Variants in DNAH11 observed in about 807,000 individuals in gnomAD.
The protein encoded by DNAH11 is dynein axonemal heavy chain 11, also known as axonemal beta dynein heavy chain 11.
A neutral mutation model predicts 526.0 loss-of-function variants in DNAH11; 442 were observed. The ratio of observed to expected loss-of-function variants is 0.84; its 90% CI spans 0.78 to 0.91. The LOEUF (loss-of-function observed/expected upper bound fraction) is 0.91. DNAH11 is among the 40% of genes least tolerant of loss of function. The pLI, the probability that DNAH11 is intolerant of heterozygous loss-of-function variation, is 0.00. For synonymous variants in DNAH11, 2,461 were observed against 1,935.9 expected, an observed-to-expected ratio of 1.27 and a Z score of -7.12; for missense variants, 6,989 against 5,448.7, an observed-to-expected ratio of 1.28 and a Z score of -8.90.
In DNAH11 at chr7:21,559,017, T is replaced by G; in HGVS notation, c.692+19T>G. 1 of 1,549,650 alleles carries G rather than the reference T, an allele frequency of 6.5e-7. No individual in the cohort carries two copies. Among genetic ancestry groups the G allele is most frequent in the East Asian group, 2.4e-5 (1 of 41,442 alleles). Reference sequence around the variant, plus strand: ...AGAACAAGTACGTAACAGTACAATATATACAGGATATTAAAGTAGAGAGCC... The same window carrying G: ...AGAACAAGTACGTAACAGTACAATAGATACAGGATATTAAAGTAGAGAGCC... On this transcript the variant is annotated intron_variant, in intron 3 of 81. Coordinates refer to ENST00000409508, the MANE Select transcript of DNAH11 (RefSeq NM_001277115.2).
At chr7:21,606,304 T>C (rs1442157092) in intron 18 of DNAH11, 122 bp from the exon 19 acceptor site, 1 of 810,574 alleles carries the variant, frequency 1.2e-6, no homozygotes, top group South Asian at 1.7e-5. Context: ...GCCTAGGGGA[T>C]AGAGCCAGAC....
chr7:21,577,878 T>C (rs536550893), intron 8 of DNAH11, among the ~76,000 whole-genome samples: 1 of 152,230 alleles, frequency 6.6e-6, no homozygotes, highest in East Asian at 1.9e-4. Flanking sequence ...AATAGAGATT[T>C]TGGAATTACT....
At chr7:21,886,813 C>T (rs1239516260) in intron 76 of DNAH11, among the ~76,000 whole-genome samples, 1 of 152,132 alleles carries the variant, frequency 6.6e-6, no homozygotes, top group Non-Finnish European at 1.5e-5. Context: ...TGTGTGTAAG[C>T]CCTTTAGAAA....
At chr7:21,847,829 T>C (rs995236208) in intron 66 of DNAH11, among the ~76,000 whole-genome samples, 15 of 152,232 alleles carry the variant, frequency 9.9e-5, no homozygotes, top group Non-Finnish European at 2.2e-4. Context: ...TTTTGCCTTC[T>C]GTATTTTGAC....
intron 8 of DNAH11, among the ~76,000 whole-genome samples, chr7:21,574,775 G>A (rs368196250): frequency 1.1e-4 from 17 of 149,772 alleles, no homozygotes; most frequent in African/African-American, 2.0e-4. Flanking sequence ...CATGTTGGCC[G>A]GGTTGGTCTC....
chr7:21,693,112 T>C (rs1783698941), intron 35 of DNAH11, among the ~76,000 whole-genome samples: 1 of 152,252 alleles, frequency 6.6e-6, no homozygotes, highest in Non-Finnish European at 1.5e-5. Context: ...AAATATAATT[T>C]ATCAATTTGT....
intron 2 of DNAH11, among the ~76,000 whole-genome samples, chr7:21,548,813 T>C (rs531348656): frequency 1.4e-4 from 22 of 152,266 alleles, no homozygotes; most frequent in African/African-American, 5.1e-4. Context: ...GAGTAGTTCA[T>C]ATTCCCTATG....
chr7:21,697,916 T>C (rs1001204295), intron 35 of DNAH11, among the ~76,000 whole-genome samples, 159 bp from the exon 36 acceptor site: 2 of 152,208 alleles, frequency 1.3e-5, no homozygotes, highest in African/African-American at 4.8e-5. Context: ...GACATTTTTT[T>C]AGTTGAAGTG....
chr7:21,797,798 T>G (rs988891134), intron 61 of DNAH11, among the ~76,000 whole-genome samples: 1 of 152,110 alleles, frequency 6.6e-6, no homozygotes, highest in African/African-American at 2.4e-5. Context: ...TACCCAAACA[T>G]TTGCCATTAA....
chr7:21,828,033 C>G (rs1034681812), intron 65 of DNAH11, among the ~76,000 whole-genome samples: 3 of 151,928 alleles, frequency 2.0e-5, no homozygotes, highest in South Asian at 2.1e-4. Flanking sequence ...ACTGCAACCT[C>G]CACCTCCCAA....
At position 21,880,875 on chromosome 7, in the gene DNAH11, C is replaced by T; in HGVS notation, c.12369C>T (p.Tyr4123=). 1 of 1,605,132 alleles carries T rather than the reference C, an allele frequency of 6.2e-7. No homozygotes were observed. The highest frequency in any genetic ancestry group is 8.5e-7 in the Non-Finnish European group (1 of 1,177,808). The change falls in exon 75 of 82, where the codon TAC becomes TAT. Residue 4123 remains tyrosine, a synonymous_variant. Coordinates refer to ENST00000409508, the MANE Select transcript of DNAH11 (RefSeq NM_001277115.2). ...LTICASVLYN[Y]LEANSKVPWE... is the part of the protein sequence containing the mutation. ...TTTGTGCCAGTGTCCTCTACAACTA[C>T]TTAGAGGCAAACTCTAAAGTAAGTG... is the stretch of plus-strand genomic sequence containing the variant.
At chr7:21,639,163 G>C in intron 28 of DNAH11, 98 bp downstream of exon 28, 5 of 1,393,562 alleles carry the variant, frequency 3.6e-6, no homozygotes, top group Admixed American at 5.7e-5. Context: ...TGTCACGTGG[G>C]CCAGGAACTA....
At chr7:21,627,809 G>A (rs1052101904) in intron 25 of DNAH11, among the ~76,000 whole-genome samples, 5 of 152,042 alleles carry the variant, frequency 3.3e-5, no homozygotes, top group African/African-American at 9.7e-5. Flanking sequence ...TATTTCTGTG[G>A]AAAAAAGTCA....
intron 56 of DNAH11, among the ~76,000 whole-genome samples, chr7:21,777,381 T>C (rs1787723936): frequency 6.6e-6 from 1 of 151,890 alleles, no homozygotes; most frequent in South Asian, 2.1e-4. Flanking sequence ...AAAGCTGTTA[T>C]GAATACCCGT....
intron 50 of DNAH11, 66 bp from the exon 51 acceptor site, chr7:21,744,804 T>C (rs1425905736): frequency 2.0e-6 from 3 of 1,537,508 alleles, no homozygotes; most frequent in Non-Finnish European, 2.6e-6. Flanking sequence ...TGCTAGGCCA[T>C]GCTGCCTGCA....
intron 42 of DNAH11, among the ~76,000 whole-genome samples, chr7:21,716,925 C>T (rs961420429): frequency 3.3e-5 from 5 of 152,090 alleles, no homozygotes; most frequent in African/African-American, 9.7e-5. Context: ...AATCATCTTG[C>T]CTTAATGTCT....
At chr7:21,899,003 A>T (rs1202604389) in intron 79 of DNAH11, among the ~76,000 whole-genome samples, 4 of 151,594 alleles carry the variant, frequency 2.6e-5, no homozygotes, top group Admixed American at 2.6e-4. Context: ...GGCGCTTGTC[A>T]GTCCAAGTCA....
chr7:21,625,740 A>G (rs7808522), intron 25 of DNAH11, among the ~76,000 whole-genome samples: 67,937 of 151,738 alleles, frequency 0.45, 15,647 homozygotes, highest in East Asian at 0.61. Flanking sequence ...TTTCTCTTTT[A>G]GTTTCTTCTT....
chr7:21,795,673 G>T (rs1788678386), intron 61 of DNAH11, among the ~76,000 whole-genome samples: 1 of 152,226 alleles, frequency 6.6e-6, no homozygotes, highest in African/African-American at 2.4e-5. Context: ...CGAACGTTTT[G>T]TAACACTGGA....
Sources: allele counts gnomAD v4.1 joint callset (sites outside exome capture counted in the v4.1 genomes callset), GRCh38; gene constraint gnomAD v4.1.1; transcripts MANE v1.5; gene names NCBI Gene and HGNC (gene_info 2026-07-23, HGNC 2026-07-21).